STOX1: variants seen among roughly 807,000 people sequenced by gnomAD.
STOX1 encodes storkhead-box protein 1.
Under a neutral mutation model 74.8 loss-of-function variants are expected in STOX1, and 57 were observed. That is an observed-to-expected ratio of 0.76 (90% CI 0.62 to 0.95). STOX1 has a LOEUF of 0.95. Among genes scored for constraint, STOX1 ranks in the 40% least tolerant of loss-of-function variants. The pLI is 0.00. For missense variants in STOX1, 1,010 were observed against 1,117.0 expected (o/e 0.90, Z 1.37); for synonymous variants, 375 against 401.3 (o/e 0.93, Z 0.78).
intron 2 of STOX1, among the ~76,000 whole-genome samples, chr10:68,882,931 G>C (rs1840845778): frequency 6.6e-6 from 1 of 152,132 alleles, no homozygotes; most frequent in Non-Finnish European, 1.5e-5. Flanking sequence ...GCCTCACTCT[G>C]TTGCCCAGGT....
intron 1 of STOX1, among the ~76,000 whole-genome samples, chr10:68,848,147 C>T (rs1839899471): frequency 6.7e-6 from 1 of 148,668 alleles, no homozygotes; most frequent in Non-Finnish European, 1.5e-5. Flanking sequence ...ACCTGGGTGC[C>T]AGGTGGGAGA....
At chr10:68,844,294 CTTTTTTTTT>C (rs777175392) in intron 1 of STOX1, among the ~76,000 whole-genome samples, 6 of 104,714 alleles carry the variant, frequency 5.7e-5, no homozygotes, top group Admixed American at 1.2e-4. Flanking sequence ...TCTGGATCTT[CTTTTTTTTT>C]TTTTTTTTTT....
In STOX1 at chr10:68,866,865, G is replaced by A. The variant is rs1196378011; in HGVS notation, c.311-15093G>A. The stretch of plus-strand genomic sequence containing the variant: ...TGGTTTGGAACGGGGCCCAGGACGG[G>A]CCTCTCATGGCATTTCCCGAAATCG... On this transcript the variant is annotated intron_variant, in intron 1 of 3. Coordinates refer to ENST00000298596, the MANE Select transcript of STOX1 (RefSeq NM_152709.5). Among the ~76,000 whole-genome samples the A allele has an allele frequency of 2.0e-5, 3 of 152,138 alleles. No homozygotes were observed. The East Asian group carries it at 5.8e-4, about 29-fold the overall frequency.
chr10:68,840,959 T>A (rs1047129224), intron 1 of STOX1, among the ~76,000 whole-genome samples: 4 of 151,014 alleles, frequency 2.6e-5, no homozygotes, highest in East Asian at 2.0e-4. Flanking sequence ...TGCTTTTTTT[T>A]TTTTTGGAGA....
intron 1 of STOX1, chr10:68,829,009 C>G (rs1480368051): frequency 2.0e-6 from 2 of 985,212 alleles, no homozygotes; most frequent in Non-Finnish European, 2.4e-6. Flanking sequence ...TGTCAGCTCC[C>G]TGTAACAACC....
chr10:68,858,954 C>T (rs1167368582), intron 1 of STOX1, among the ~76,000 whole-genome samples: 2 of 152,074 alleles, frequency 1.3e-5, no homozygotes, highest in African/African-American at 4.8e-5. Flanking sequence ...TATCCCAGCT[C>T]CTGTCACCAC....
intron 1 of STOX1, among the ~76,000 whole-genome samples, chr10:68,828,798 A>G (rs1839332284): frequency 6.6e-6 from 1 of 152,140 alleles, no homozygotes. Context: ...TGGGGTCGTT[A>G]ACTTCTTGGG....
chr10:68,854,530 T>C (rs183992305), intron 1 of STOX1, among the ~76,000 whole-genome samples: 31 of 152,100 alleles, frequency 2.0e-4, no homozygotes, highest in African/African-American at 6.5e-4. Flanking sequence ...ACTCCTGAAC[T>C]CAAGGAATCT....
At chr10:68,864,185 A>G (rs1471221862) in intron 1 of STOX1, among the ~76,000 whole-genome samples, 3 of 151,930 alleles carry the variant, frequency 2.0e-5, no homozygotes, top group Non-Finnish European at 4.4e-5. Flanking sequence ...CGGCCTCCCA[A>G]AGTGTTGGGA....
At chr10:68,834,097 C>G (rs936983846) in intron 1 of STOX1, among the ~76,000 whole-genome samples, 7 of 152,170 alleles carry the variant, frequency 4.6e-5, no homozygotes, top group Admixed American at 1.3e-4. Context: ...TCAGGCACAT[C>G]AGGTTGGCGA....
At chr10:68,876,713 C>G (rs138469230) in intron 1 of STOX1, among the ~76,000 whole-genome samples, 67 of 152,282 alleles carry the variant, frequency 4.4e-4, no homozygotes, top group African/African-American at 1.5e-3. Flanking sequence ...AAAGTCTCTC[C>G]TTAGCCTTCT....
At chr10:68,887,526 C>T (rs1248894194) in intron 3 of STOX1, among the ~76,000 whole-genome samples, 3 of 151,866 alleles carry the variant, frequency 2.0e-5, no homozygotes, top group African/African-American at 7.3e-5. Flanking sequence ...AGGTGATCCG[C>T]CCACCTTGGC....
Position 68,884,262 on chromosome 10 carries a change from A to T in STOX1, c.466A>T (p.Ile156Phe). 1.2e-6 allele frequency: 2 copies of T among 1,614,048 alleles called. No homozygotes were observed. Among genetic ancestry groups the T allele is most frequent in the Non-Finnish European group, 1.7e-6 (2 of 1,179,952 alleles). The change falls in exon 3 of 4, where the codon ATT becomes TTT. Residue 156 changes from isoleucine to phenylalanine, a missense_variant and splice_region_variant. By Grantham distance (21) the Ile-to-Phe change is conservative. Coordinates refer to ENST00000298596, the MANE Select transcript of STOX1 (RefSeq NM_152709.5). ...LERLMKHYPGIAIPSEDILYT... is the reference protein window; with the variant it reads ...LERLMKHYPGFAIPSEDILYT... ...TGTAAAATGCTTGTCTGTTTTAGGCATTGCAATTCCATCGGAAGATATTCT... is the reference window on the plus strand; with the variant it reads ...TGTAAAATGCTTGTCTGTTTTAGGCTTTGCAATTCCATCGGAAGATATTCT...
intron 1 of STOX1, among the ~76,000 whole-genome samples, chr10:68,833,885 C>G (rs1839475873): frequency 6.6e-6 from 1 of 152,242 alleles, no homozygotes; most frequent in African/African-American, 2.4e-5. Flanking sequence ...ATGCATCTTT[C>G]ATTCAGATTT....
intron 1 of STOX1, among the ~76,000 whole-genome samples, chr10:68,881,081 C>T (rs959367481): frequency 6.6e-6 from 1 of 152,170 alleles, no homozygotes; most frequent in Admixed American, 6.5e-5. Context: ...TTATTCCACT[C>T]TAGCTTCAGA....
At chr10:68,891,379 C>T (rs1315927217) in intron 3 of STOX1, among the ~76,000 whole-genome samples, 1 of 152,092 alleles carries the variant, frequency 6.6e-6, no homozygotes, top group African/African-American at 2.4e-5. Context: ...GAGACTTTAA[C>T]AGTCAAAGAG....
At chr10:68,854,724 G>A (rs904433059) in intron 1 of STOX1, among the ~76,000 whole-genome samples, 2 of 152,076 alleles carry the variant, frequency 1.3e-5, no homozygotes, top group African/African-American at 4.8e-5. Flanking sequence ...ATAAGCCAGT[G>A]TTTTTTACCA....
At chr10:68,863,149 G>A (rs1840301953) in intron 1 of STOX1, among the ~76,000 whole-genome samples, 1 of 152,052 alleles carries the variant, frequency 6.6e-6, no homozygotes. Context: ...TGTAGGACCG[G>A]GCAACCAAGA....
At chr10:68,828,992 G>C in intron 1 of STOX1, 2 of 985,412 alleles carry the variant, frequency 2.0e-6, no homozygotes, top group Non-Finnish European at 2.4e-6. Context: ...CTAAACCCAG[G>C]CAGGTGTGTC....
Sources: allele counts gnomAD v4.1 joint callset (sites outside exome capture counted in the v4.1 genomes callset), GRCh38; gene constraint gnomAD v4.1.1; transcripts MANE v1.5; gene names NCBI Gene and HGNC (gene_info 2026-07-23, HGNC 2026-07-21).